PRKN: variants seen among roughly 807,000 people sequenced by gnomAD.
PRKN encodes E3 ubiquitin-protein ligase parkin.
In PRKN, 56 loss-of-function variants were observed where a neutral mutation model predicts 59.5. The observed-to-expected ratio is 0.94, with a 90% CI of 0.76 to 1.18. The LOEUF (loss-of-function observed/expected upper bound fraction) is 1.18, where lower values mean the gene tolerates loss of function less well. Ranked by LOEUF, PRKN falls within the 50% of genes most tolerant of loss-of-function variation. The pLI is 0.00. For synonymous variants in PRKN, 250 were observed against 222.1 expected (o/e 1.13, Z -1.12); for missense variants, 657 against 596.4 (o/e 1.10, Z -1.06).
chr6:162,328,986 C>A (rs1783441471), intron 2 of PRKN, among the ~76,000 whole-genome samples: 1 of 152,136 alleles, frequency 6.6e-6, no homozygotes. Context: ...TATTAAGGTC[C>A]TGAACCAAAA....
At chr6:161,667,260 G>A (rs111967247) in intron 7 of PRKN, among the ~76,000 whole-genome samples, 2 of 152,078 alleles carry the variant, frequency 1.3e-5, no homozygotes, top group African/African-American at 4.8e-5. Flanking sequence ...ATGACTACAA[G>A]GCCCTCCACC....
At position 161,467,604 on chromosome 6, in the gene PRKN, A is replaced by T. The variant is rs1334028734; in HGVS notation, c.1084-80727T>A. ...GAGAGGTGCTGAGCCTAAAAGGAGGATACAGGGAAGGCTTCCTGGAGATGA... is the reference window on the plus strand; with the variant it reads ...GAGAGGTGCTGAGCCTAAAAGGAGGTTACAGGGAAGGCTTCCTGGAGATGA... On this transcript the variant is annotated intron_variant, in intron 9 of 11. Coordinates refer to ENST00000366898, the MANE Select transcript of PRKN (RefSeq NM_004562.3). The surrounding 1 kb of genome is among the most constrained non-coding windows in gnomAD (Gnocchi z 4.3). Among the ~76,000 whole-genome samples, 1 of 152,172 alleles carries T rather than the reference A, an allele frequency of 6.6e-6. No individual in the cohort carries two copies. Among genetic ancestry groups the T allele is most frequent in the Non-Finnish European group, 1.5e-5 (1 of 68,034 alleles).
chr6:161,513,370 A>G (rs1469899037), intron 9 of PRKN, among the ~76,000 whole-genome samples: 1 of 152,034 alleles, frequency 6.6e-6, no homozygotes, highest in Admixed American at 6.5e-5. Flanking sequence ...CCTCCCGGGT[A>G]GCTGGGACTA....
chr6:162,054,109 G>A lies in PRKN; in HGVS notation c.600C>T (p.His200=), dbSNP rs72480421. 1 of 1,610,432 alleles carries A rather than the reference G, an allele frequency of 6.2e-7. No homozygotes were observed. Among genetic ancestry groups the A allele is most frequent in the African/African-American group, 1.3e-5 (1 of 74,956 alleles). ...NRMSGECQSP[H]CPGTSAEFFF... The stretch of plus-strand genomic sequence containing the variant: ...TACTTACTGCACTAGTCCCAGGGCA[G>A]TGTGGGGATTGGCATTCACCACTCA... The change falls in exon 5 of 12, where the codon CAC becomes CAT. Residue 200 remains histidine (H), a synonymous_variant. Coordinates refer to ENST00000366898, the MANE Select transcript of PRKN (RefSeq NM_004562.3).
At chr6:162,273,262 T>C (rs1227614807) in intron 2 of PRKN, among the ~76,000 whole-genome samples, 1 of 152,086 alleles carries the variant, frequency 6.6e-6, no homozygotes, top group Non-Finnish European at 1.5e-5. Flanking sequence ...AGGGATCGAA[T>C]GGGAGCCATG....
intron 1 of PRKN, among the ~76,000 whole-genome samples, chr6:162,478,876 C>A (rs557927654): frequency 1.3e-5 from 2 of 152,110 alleles, no homozygotes; most frequent in East Asian, 3.9e-4. Context: ...ATGGGACACT[C>A]GTCTAGGAAA....
intron 1 of PRKN, among the ~76,000 whole-genome samples, chr6:162,486,421 G>C (rs796798071): frequency 4.1e-4 from 62 of 152,142 alleles, no homozygotes; most frequent in African/African-American, 1.4e-3. Flanking sequence ...ACCACACCAC[G>C]TGCATATCAG....
intron 2 of PRKN, among the ~76,000 whole-genome samples, chr6:162,407,384 G>C (rs60653626): frequency 2.6e-5 from 4 of 152,154 alleles, no homozygotes; most frequent in Admixed American, 6.5e-5. Flanking sequence ...TAAAACAGTA[G>C]CTTTGGTTGG....
intron 2 of PRKN, among the ~76,000 whole-genome samples, chr6:162,387,555 C>CACACACACAG (rs1212726833): frequency 2.1e-5 from 2 of 95,576 alleles, no homozygotes; most frequent in African/African-American, 4.1e-5. Context: ...CACACACACA[C>CACACACACAG]AGAGAGAGAG....
At chr6:162,581,055 TG>T (rs1429737957) in intron 1 of PRKN, among the ~76,000 whole-genome samples, 1 of 152,116 alleles carries the variant, frequency 6.6e-6, no homozygotes, top group Non-Finnish European at 1.5e-5. Flanking sequence ...GAGTCAAAAG[TG>T]CCACAGCAGG....
intron 7 of PRKN, among the ~76,000 whole-genome samples, chr6:161,733,806 A>ATATATATGTG (rs1787846607): frequency 7.0e-6 from 1 of 142,204 alleles, no homozygotes; most frequent in African/African-American, 2.6e-5. Context: ...ATGTATATAT[A>ATATATATGTG]TATATATATA....
At chr6:161,615,121 C>CA (rs1782643887) in intron 7 of PRKN, among the ~76,000 whole-genome samples, 1 of 152,182 alleles carries the variant, frequency 6.6e-6, no homozygotes, top group African/African-American at 2.4e-5. Context: ...CTTTTAATAG[C>CA]AAAAACTGTA....
At chr6:162,436,228 C>T (rs1175688436) in intron 2 of PRKN, among the ~76,000 whole-genome samples, 1 of 141,226 alleles carries the variant, frequency 7.1e-6, no homozygotes, top group African/African-American at 2.6e-5. Context: ...CCAAAAAAAA[C>T]CATGAAATTT....
chr6:161,477,045 G>A (rs779027770), intron 9 of PRKN, among the ~76,000 whole-genome samples: 26 of 152,336 alleles, frequency 1.7e-4, no homozygotes, highest in Non-Finnish European at 2.9e-4. Context: ...GGAGAGTGAG[G>A]TATCCTGAGG....
chr6:162,117,508 G>T (rs985574536), intron 4 of PRKN, among the ~76,000 whole-genome samples: 1 of 152,252 alleles, frequency 6.6e-6, no homozygotes, highest in Non-Finnish European at 1.5e-5. Context: ...CCCTCAGCAG[G>T]TGGGGAAAAT....
At chr6:161,651,683 T>C (rs887253137) in intron 7 of PRKN, among the ~76,000 whole-genome samples, 6 of 152,174 alleles carry the variant, frequency 3.9e-5, no homozygotes, top group African/African-American at 1.2e-4. Flanking sequence ...GCTTTTTCAG[T>C]GACTCAAAGA....
At chr6:162,453,020 C>T (rs973688916) in intron 1 of PRKN, among the ~76,000 whole-genome samples, 4 of 152,154 alleles carry the variant, frequency 2.6e-5, no homozygotes, top group African/African-American at 9.7e-5. Context: ...GACTATGCTG[C>T]CACCACTTGA....
At chr6:162,068,872 T>C (rs1406190769) in intron 4 of PRKN, among the ~76,000 whole-genome samples, 3 of 152,114 alleles carry the variant, frequency 2.0e-5, no homozygotes, top group Non-Finnish European at 2.9e-5. Context: ...TGTCTGTCCA[T>C]GCCCCGTTTA....
At chr6:162,499,834 T>C (rs1251047245) in intron 1 of PRKN, among the ~76,000 whole-genome samples, 1 of 152,178 alleles carries the variant, frequency 6.6e-6, no homozygotes, top group African/African-American at 2.4e-5. Context: ...AGACTACTTA[T>C]GACAGGTCTC....
Sources: allele counts gnomAD v4.1 joint callset (sites outside exome capture counted in the v4.1 genomes callset), GRCh38; gene constraint gnomAD v4.1.1; non-coding constraint Gnocchi (gnomAD v3.1); transcripts MANE v1.5; gene names NCBI Gene and HGNC (gene_info 2026-07-23, HGNC 2026-07-21).